The following DMXL1 variants were observed in gnomAD, a reference collection of about 807,000 sequenced individuals.
DMXL1 encodes Dmx like 1.
Under a neutral mutation model 319.2 loss-of-function variants are expected in DMXL1, and 99 were observed. The observed-to-expected ratio is 0.31, with a 90% confidence interval of 0.26 to 0.37. DMXL1 has a LOEUF of 0.37. Among genes scored for constraint, DMXL1 ranks in the 10% least tolerant of loss-of-function variants. DMXL1 has a pLI of 1.00. For missense variants in DMXL1, 3,745 were observed against 3,595.6 expected (o/e 1.04, Z -1.06); for synonymous variants, 1,385 against 1,235.2 (o/e 1.12, Z -2.54).
chr5:119,216,770 TA>T, intron 34 of DMXL1, 130 bp from the exon 35 acceptor site: 1 of 616,354 alleles, frequency 1.6e-6, no homozygotes, highest in Non-Finnish European at 2.8e-6. Context: ...GCATATACAA[TA>T]ATACCTTTAG....
rs1400496488 is a variant in DMXL1, at chr5:119,175,244, T to A, written c.6682-17T>A. 4.4e-6 allele frequency: 7 copies of A among 1,595,720 alleles called. No homozygotes were observed. Among genetic ancestry groups the A allele is most frequent in the Non-Finnish European group, 6.0e-6 (7 of 1,170,424 alleles). On this transcript the variant is annotated splice_polypyrimidine_tract_variant and intron_variant, in intron 25 of 43. Transcript: ENST00000539542. Reference sequence around the variant, plus strand: ...TAAAAAGGTTATACTTAAAGTAATTTTGTTTTTGTTTTCCAGGTGTATGTA... The same window carrying A: ...TAAAAAGGTTATACTTAAAGTAATTATGTTTTTGTTTTCCAGGTGTATGTA...
intron 10 of DMXL1, among the ~76,000 whole-genome samples, chr5:119,131,385 A>T (rs1325130660): frequency 6.6e-6 from 1 of 152,098 alleles, no homozygotes. Flanking sequence ...GTTGAAGGAA[A>T]CCTGGAAATT....
chr5:119,107,615 C>T (rs1182322542), intron 4 of DMXL1, among the ~76,000 whole-genome samples: 1 of 152,118 alleles, frequency 6.6e-6, no homozygotes, highest in African/African-American at 2.4e-5. Flanking sequence ...TACTTTTGTT[C>T]CATTCCATAC....
At position 119,177,427 on chromosome 5, in the gene DMXL1, A is replaced by G. The variant is rs1776017546; in HGVS notation, c.6829A>G (p.Lys2277Glu). The G allele has an allele frequency of 1.2e-6, 2 of 1,609,548 alleles. No individual in the cohort carries two copies. Among genetic ancestry groups the G allele is most frequent in the Non-Finnish European group, 8.5e-7 (1 of 1,177,260 alleles). Residue 2277 changes from lysine to glutamate, a missense_variant, in exon 27 of 44, where the codon AAA (lysine) becomes GAA (glutamate). By Grantham distance (56) the Lys-to-Glu change is moderately conservative. This residue lies in a region of DMXL1 where 1,382 missense variants were observed against 1,269.5 expected (regional missense o/e 1.09). Coordinates refer to ENST00000539542, the MANE Select transcript of DMXL1 (RefSeq NM_001290321.3). ...ACTGCTTCCTCATCGACCTTCTTTG[A>G]AAACAGGAAGCTTAGATGAAGCATT... ...TVLLPHRPSL[K>E]TGSLDEALTP... is the part of the protein sequence containing the mutation.
rs151253907 is a variant in DMXL1, at chr5:119,146,908, C to T, written c.2641C>T (p.Leu881=). The T allele has an allele frequency of 2.3e-4, 377 of 1,612,360 alleles. 1 individual carries two copies. In the African/African-American group the frequency reaches 4.6e-3, roughly 20 times the overall value. ...VIECTQDNRS[L]LHMWNLHLKS... Reference sequence around the variant, plus strand: ...AGAATGCACTCAAGACAACCGTTCACTGTTACACATGTGGAATTTACATCT... The same window carrying T: ...AGAATGCACTCAAGACAACCGTTCATTGTTACACATGTGGAATTTACATCT... The change falls in exon 16 of 44, where the codon CTG becomes TTG. Residue 881 remains leucine (L), a synonymous_variant. Coordinates refer to ENST00000539542, the MANE Select transcript of DMXL1 (RefSeq NM_001290321.3).
At chr5:119,222,411 G>A (rs921076176) in intron 37 of DMXL1, among the ~76,000 whole-genome samples, 1 of 152,062 alleles carries the variant, frequency 6.6e-6, no homozygotes, top group African/African-American at 2.4e-5. Flanking sequence ...GCTCAGTGGT[G>A]GTTAAATAAT....
intron 40 of DMXL1, among the ~76,000 whole-genome samples, chr5:119,238,249 C>T (rs1434417789): frequency 6.6e-6 from 1 of 151,836 alleles, no homozygotes; most frequent in Non-Finnish European, 1.5e-5. Flanking sequence ...ATCATCTAGC[C>T]CAGCTCCAGT....
In DMXL1 at chr5:119,180,270, A is replaced by G. The variant is rs541601509; in HGVS notation, c.7135+2026A>G. On this transcript the variant is annotated intron_variant, in intron 28 of 43. Coordinates refer to ENST00000539542, the MANE Select transcript of DMXL1 (RefSeq NM_001290321.3). Reference sequence around the variant, plus strand: ...CAAATTGTACTTATGGAATAGTATAAGTGGCATCAGAGGGATAATTTGTAA... The same window carrying G: ...CAAATTGTACTTATGGAATAGTATAGGTGGCATCAGAGGGATAATTTGTAA... Among the ~76,000 whole-genome samples, 13 of 152,312 alleles carry G rather than the reference A, an allele frequency of 8.5e-5. No homozygotes were observed. In the East Asian group the frequency reaches 2.5e-3, roughly 29 times the overall value.
Position 119,135,896 on chromosome 5 carries a change from G to GC in DMXL1, c.2376+1507_2376+1508insC, listed in dbSNP as rs1436175609. ...GCCTACTACAGATAATTGGTACCAGGAGTGGGGCACTGCTATAAGGATAAC... is the reference window on the plus strand; with the variant it reads ...GCCTACTACAGATAATTGGTACCAGGCAGTGGGGCACTGCTATAAGGATAAC... On this transcript the variant is annotated intron_variant, in intron 13 of 43. Transcript: ENST00000539542. 8.5e-5 allele frequency among the ~76,000 whole-genome samples: 13 copies of GC among 152,200 alleles called. No individual in the cohort carries two copies. In the East Asian group the frequency reaches 2.3e-3, roughly 27 times the overall value.
rs1413666156 is a variant in DMXL1 at position 119,221,048 on chromosome 5, T to G, written c.8244T>G (p.Leu2748=). ...NPGTPINMPW[L]GSTQTGRGAS... is the part of the protein sequence containing the mutation. ...GCACTCCAATCAACATGCCATGGCTTGGTAGTACACAGACTGGCAGAGGAG... is the reference window on the plus strand; with the variant it reads ...GCACTCCAATCAACATGCCATGGCTGGGTAGTACACAGACTGGCAGAGGAG... Residue 2748 remains leucine (L), a synonymous_variant, in exon 37 of 44, where the codon CTT becomes CTG. Coordinates refer to ENST00000539542, the MANE Select transcript of DMXL1 (RefSeq NM_001290321.3). 2.5e-6 allele frequency: 4 copies of G among 1,613,748 alleles called. No homozygotes were observed. Among genetic ancestry groups the G allele is most frequent in the Non-Finnish European group, 3.4e-6 (4 of 1,179,814 alleles).
At chr5:119,143,459 C>T (rs557391613) in intron 13 of DMXL1, among the ~76,000 whole-genome samples, 1 of 152,106 alleles carries the variant, frequency 6.6e-6, no homozygotes, top group South Asian at 2.1e-4. Context: ...CTCAAGAGAT[C>T]AGCATATTTG....
At chr5:119,220,334 A>G (rs994319120) in intron 35 of DMXL1, 138 bp from the exon 36 acceptor site, 2 of 689,498 alleles carry the variant, frequency 2.9e-6, no homozygotes, top group African/African-American at 1.8e-5. Flanking sequence ...TTATTTCACT[A>G]AAAGTAAGAA....
At position 119,149,812 on chromosome 5, in the gene DMXL1, C is replaced by A; in HGVS notation, c.3985C>A (p.Gln1329Lys). The change falls in exon 18 of 44, where the codon CAG (glutamine) becomes AAG (lysine). Residue 1329 changes from glutamine (Q) to lysine (K), a missense_variant. Gln to Lys is a moderately conservative substitution (Grantham distance 53, BLOSUM62 1). This residue lies in a region of DMXL1 where 2,096 missense variants were observed against 1,985.4 expected (regional missense o/e 1.06). Coordinates refer to ENST00000539542, the MANE Select transcript of DMXL1 (RefSeq NM_001290321.3). ...GACTCTACCTCAGTATCATCCCTTG[C>A]AGCTTTTGGAACTCATGGATCTTGG... ...SPTLPQYHPLQLLELMDLGKV... is the reference protein window; with the variant it reads ...SPTLPQYHPLKLLELMDLGKV... 4 of 1,613,930 alleles carry A rather than the reference C, an allele frequency of 2.5e-6. No homozygotes were observed. Among genetic ancestry groups the A allele is most frequent in the Non-Finnish European group, 3.4e-6 (4 of 1,179,926 alleles).
chr5:119,197,762 A>C lies in DMXL1; in HGVS notation c.7551A>C (p.Pro2517=), dbSNP rs1435922045. The change falls in exon 32 of 44, where the codon CCA becomes CCC. Residue 2517 remains proline, a synonymous_variant. Transcript: ENST00000539542. ...TCAATGTTCCCATTTTAGAGCTTCC[A>C]GTTAGTTCACCTCTTTGTCATGCGG... The part of the protein sequence containing the change: ...PFAGHDLAEL[P]VSSPLCHAVL... The C allele has an allele frequency of 3.7e-6, 6 of 1,613,936 alleles. No homozygotes were observed.
At chr5:119,146,287 A>G (rs995765094) in intron 15 of DMXL1, among the ~76,000 whole-genome samples, 2 of 151,974 alleles carry the variant, frequency 1.3e-5, no homozygotes, top group Admixed American at 6.6e-5. Flanking sequence ...TTTTCAGGCA[A>G]TAATAAATCA....
chr5:119,159,485 G>C (rs909666666), intron 19 of DMXL1, among the ~76,000 whole-genome samples: 12 of 152,196 alleles, frequency 7.9e-5, no homozygotes, highest in African/African-American at 2.9e-4. Flanking sequence ...AGTTCTGGCA[G>C]GTTGTCTGTG....
At chr5:119,120,609 A>G (rs1244494818) in intron 8 of DMXL1, among the ~76,000 whole-genome samples, 3 of 152,256 alleles carry the variant, frequency 2.0e-5, no homozygotes, top group African/African-American at 7.2e-5. Flanking sequence ...AGCTATAGAC[A>G]AAAGACAGTG....
At position 119,170,834 on chromosome 5, in the gene DMXL1, G is replaced by C. The variant is rs748544704; in HGVS notation, c.6043G>C (p.Asp2015His). The C allele has an allele frequency of 6.2e-7, 1 of 1,611,634 alleles. No homozygotes were observed. The highest frequency in any genetic ancestry group is 8.5e-7 in the Non-Finnish European group (1 of 1,179,472). Residue 2015 changes from aspartate to histidine, a missense_variant, in exon 24 of 44, where the codon GAC becomes CAC. By Grantham distance (81) the Asp-to-His change is moderately conservative (BLOSUM62 -1). This residue lies in a region of DMXL1 where 1,382 missense variants were observed against 1,269.5 expected (regional missense o/e 1.09). Transcript: ENST00000539542. Reference sequence around the variant, plus strand: ...ATCTTTCAGCACACTAGATGAAAATGACCTTTTAAATCCATCAGAAGATAT... The same window carrying C: ...ATCTTTCAGCACACTAGATGAAAATCACCTTTTAAATCCATCAGAAGATAT... ...TESFSTLDEN[D>H]LLNPSEDIIA...
Position 119,202,971 on chromosome 5 carries a change from CAT to C in DMXL1, c.7746-346_7746-345del, listed in dbSNP as rs968393799. ...TTATGCATATAAGATGTATATGAAA[CAT>C]AAATGAATTTTTAATTTAGACATAT... is the stretch of plus-strand genomic sequence containing the variant. On this transcript the variant is annotated intron_variant, in intron 32 of 43. Coordinates refer to ENST00000539542, the MANE Select transcript of DMXL1 (RefSeq NM_001290321.3). Among the ~76,000 whole-genome samples the C allele has an allele frequency of 6.2e-5, 9 of 146,294 alleles. No homozygotes were observed. In the East Asian group the frequency reaches 1.6e-3, roughly 26 times the overall value.
Sources: allele counts gnomAD v4.1 joint callset (sites outside exome capture counted in the v4.1 genomes callset), GRCh38; gene constraint gnomAD v4.1.1; regional missense constraint gnomAD v4.1.1; transcripts MANE v1.5; gene names NCBI Gene and HGNC (gene_info 2026-07-23, HGNC 2026-07-21).